ADGRA3: variants seen among roughly 807,000 people sequenced by gnomAD.
ADGRA3 encodes G-protein coupled receptor 125.
In ADGRA3, 56 loss-of-function variants were observed where a neutral mutation model predicts 119.8. The ratio of observed to expected loss-of-function variants is 0.47; its 90% CI spans 0.38 to 0.58. The LOEUF (loss-of-function observed/expected upper bound fraction) is 0.58, where lower values mean the gene tolerates loss of function less well. Ranked by LOEUF, ADGRA3 falls within the 20% of genes least tolerant of loss-of-function variation. The pLI is 0.00. For missense variants in ADGRA3, 1,516 were observed against 1,649.0 expected, an observed-to-expected ratio of 0.92 and a Z score of 1.40; for synonymous variants, 607 against 623.8, an observed-to-expected ratio of 0.97 and a Z score of 0.40.
intron 1 of ADGRA3, among the ~76,000 whole-genome samples, chr4:22,481,987 CA>C (rs1465202861): frequency 6.6e-6 from 1 of 152,192 alleles, no homozygotes; most frequent in Non-Finnish European, 1.5e-5. Context: ...CACATGGCAT[CA>C]GCAATTAAAT....
chr4:22,398,006 G>C (rs1714438328), intron 16 of ADGRA3: 1 of 878,986 alleles, frequency 1.1e-6, no homozygotes. Context: ...AGGTAAGTGG[G>C]AGTCAGCGAC....
intron 15 of ADGRA3, among the ~76,000 whole-genome samples, chr4:22,402,219 C>T (rs919554478): frequency 1.3e-5 from 2 of 152,100 alleles, no homozygotes; most frequent in African/African-American, 2.4e-5. Context: ...AACAACATAT[C>T]CCACGCTTAA....
chr4:22,433,354 C>A (rs982854170), intron 10 of ADGRA3, among the ~76,000 whole-genome samples: 1 of 152,116 alleles, frequency 6.6e-6, no homozygotes, highest in Non-Finnish European at 1.5e-5. Context: ...ATTTCATAAC[C>A]TAATAAAATG....
intron 2 of ADGRA3, among the ~76,000 whole-genome samples, chr4:22,467,816 G>A (rs1323171184): frequency 6.6e-6 from 1 of 152,126 alleles, no homozygotes; most frequent in East Asian, 1.9e-4. Context: ...ACTTCAGGAT[G>A]TATGGCTAAA....
At chr4:22,443,873 G>A (rs1187986109) in intron 6 of ADGRA3, among the ~76,000 whole-genome samples, 1 of 151,978 alleles carries the variant, frequency 6.6e-6, no homozygotes, top group African/African-American at 2.4e-5. Context: ...TTCATTCAGT[G>A]AGCATATTTT....
At chr4:22,502,557 T>C (rs558750447) in intron 1 of ADGRA3, among the ~76,000 whole-genome samples, 1 of 152,156 alleles carries the variant, frequency 6.6e-6, no homozygotes, top group South Asian at 2.1e-4. Context: ...CATTCAATCA[T>C]GGTGCTACAA....
chr4:22,459,472 T>TAA (rs567550630), intron 3 of ADGRA3, among the ~76,000 whole-genome samples: 1 of 145,496 alleles, frequency 6.9e-6, no homozygotes, highest in Non-Finnish European at 1.5e-5. Context: ...ACTAAAAAGT[T>TAA]AAAAAAAAAA....
At chr4:22,505,080 C>T (rs555297519) in intron 1 of ADGRA3, among the ~76,000 whole-genome samples, 2 of 152,216 alleles carry the variant, frequency 1.3e-5, no homozygotes, top group East Asian at 3.9e-4. Flanking sequence ...CAGGAGCATC[C>T]TTCACCATTT....
Position 22,516,040 on chromosome 4 carries a change from TC to T in ADGRA3, c.-257del. 6.4e-6 allele frequency: 1 copy of T among 156,710 alleles called. No homozygotes were observed. The allele number at this position is 156,710 out of a possible 1,614,324, so 9.7% of individuals were successfully genotyped here. On this transcript the variant is annotated 5_prime_UTR_variant, in exon 1 of 19. Coordinates refer to ENST00000334304, the MANE Select transcript of ADGRA3 (RefSeq NM_145290.4). ...CGGCGCGAGCACCGCCTCCTCCTCC[TC>T]CTCTGCCGCCGCCGCCGCCGCCACT...
chr4:22,450,045 G>T (rs563318408), intron 4 of ADGRA3, among the ~76,000 whole-genome samples: 1 of 152,242 alleles, frequency 6.6e-6, no homozygotes, highest in Non-Finnish European at 1.5e-5. Context: ...GAACACAAGT[G>T]AAGTAATTAG....
intron 1 of ADGRA3, among the ~76,000 whole-genome samples, chr4:22,487,756 A>T (rs1293137978): frequency 6.6e-6 from 1 of 152,186 alleles, no homozygotes; most frequent in African/African-American, 2.4e-5. Context: ...CTACCTGCCA[A>T]ATAAAACCAT....
At chr4:22,505,578 C>T (rs955915608) in intron 1 of ADGRA3, among the ~76,000 whole-genome samples, 2 of 149,074 alleles carry the variant, frequency 1.3e-5, no homozygotes, top group African/African-American at 2.5e-5. Context: ...GCCCGGGAGA[C>T]GGAGGTTGCA....
intron 4 of ADGRA3, among the ~76,000 whole-genome samples, chr4:22,452,785 A>G (rs1717094796): frequency 6.6e-6 from 1 of 152,204 alleles, no homozygotes; most frequent in African/African-American, 2.4e-5. Flanking sequence ...TAAAATCAAC[A>G]AAATAGTAGG....
chr4:22,422,137 C>T (rs1441571021), intron 11 of ADGRA3, among the ~76,000 whole-genome samples: 1 of 152,050 alleles, frequency 6.6e-6, no homozygotes, highest in African/African-American at 2.4e-5. Context: ...AGCAGAGTGA[C>T]AGGATTTACC....
chr4:22,439,189 T>C (rs931923374), intron 7 of ADGRA3, among the ~76,000 whole-genome samples: 6 of 152,136 alleles, frequency 3.9e-5, no homozygotes, highest in Non-Finnish European at 7.4e-5. Flanking sequence ...AGGTAAAATA[T>C]AAAGGGTTAC....
chr4:22,509,068 T>C (rs954412309), intron 1 of ADGRA3, among the ~76,000 whole-genome samples: 11 of 152,082 alleles, frequency 7.2e-5, no homozygotes, highest in Non-Finnish European at 1.6e-4. Context: ...TTGCACCAGG[T>C]TCAAGAAGAA....
At chr4:22,412,110 A>C (rs1395684799) in intron 14 of ADGRA3, among the ~76,000 whole-genome samples, 1 of 152,160 alleles carries the variant, frequency 6.6e-6, no homozygotes, top group African/African-American at 2.4e-5. Context: ...ACTTTGATAA[A>C]ACATTTTCTA....
At chr4:22,405,640 T>A (rs1714887233) in intron 14 of ADGRA3, among the ~76,000 whole-genome samples, 1 of 151,960 alleles carries the variant, frequency 6.6e-6, no homozygotes, top group African/African-American at 2.4e-5. Flanking sequence ...AGAAACTAGA[T>A]GTTGAAACAG....
intron 14 of ADGRA3, 56 bp downstream of exon 14, chr4:22,413,126 T>C: frequency 1.5e-6 from 2 of 1,310,888 alleles, no homozygotes; most frequent in Non-Finnish European, 2.2e-6. Context: ...TGAGCTTAAT[T>C]ATGCATAGCA....
Sources: gnomAD v4.1 joint callset for allele counts (sites outside exome capture counted in the v4.1 genomes callset) on GRCh38, gnomAD v4.1.1 for gene constraint, MANE v1.5 for transcripts, NCBI Gene and HGNC (gene_info 2026-07-23, HGNC 2026-07-21) for gene names.